PDE1A: variants seen among roughly 807,000 people sequenced by gnomAD.
The protein encoded by PDE1A is phosphodiesterase 1A, also known as dual specificity calcium/calmodulin-dependent 3',5'-cyclic nucleotide phosphodiesterase 1A.
Under a neutral mutation model 61.7 loss-of-function variants are expected in PDE1A, and 35 were observed. The observed-to-expected ratio is 0.57, with a 90% CI of 0.43 to 0.75. PDE1A has a LOEUF of 0.75. PDE1A is among the 30% of genes least tolerant of loss of function. PDE1A has a pLI of 0.00. For synonymous variants in PDE1A, 232 were observed against 213.2 expected (o/e 1.09, Z -0.77); for missense variants, 597 against 630.6 (o/e 0.95, Z 0.57).
At chr2:182,643,912 G>A in the PDE1A span, among the ~76,000 whole-genome samples, 1 of 152,006 alleles carries the variant, frequency 6.6e-6, no homozygotes, top group African/African-American at 2.4e-5. Flanking sequence ...AATTAGGCCA[G>A]GAATTCAGCC....
chr2:182,671,312 C>T, the PDE1A span, among the ~76,000 whole-genome samples: 11 of 149,074 alleles, frequency 7.4e-5, no homozygotes, highest in Non-Finnish European at 1.2e-4. Flanking sequence ...GCTCAGACTA[C>T]AGGCGCCTGC....
At chr2:182,356,476 T>C (rs533894529) in intron 1 of PDE1A, among the ~76,000 whole-genome samples, 10 of 152,118 alleles carry the variant, frequency 6.6e-5, no homozygotes, top group African/African-American at 9.7e-5. Flanking sequence ...TATGATCTAA[T>C]AATTTTTATG....
At chr2:182,363,145 G>A (rs1699610832) in intron 1 of PDE1A, among the ~76,000 whole-genome samples, 1 of 151,888 alleles carries the variant, frequency 6.6e-6, no homozygotes. Context: ...GAAATAATCT[G>A]TACAACAGAT....
At chr2:182,240,159 T>G in exon 3 of PDE1A, 1 of 1,614,084 alleles carries the variant, frequency 6.2e-7, no homozygotes, top group Non-Finnish European at 8.5e-7. Flanking sequence ...CTCCGAAATT[T>G]TGGTTTTTCC....
At chr2:182,178,493 G>A (rs3769803) in intron 13 of PDE1A, among the ~76,000 whole-genome samples, 31,532 of 152,016 alleles carry the variant, frequency 0.21, 3,515 homozygotes, top group East Asian at 0.33. Context: ...AGTCTGAGAC[G>A]GGACCTGCTC....
At chr2:182,298,810 C>T (rs1695051241) in intron 1 of PDE1A, among the ~76,000 whole-genome samples, 1 of 151,630 alleles carries the variant, frequency 6.6e-6, no homozygotes, top group Non-Finnish European at 1.5e-5. Context: ...AGAGAATATG[C>T]CTGAGAAGAA....
intron 7 of PDE1A, 100 bp downstream of exon 7, chr2:182,223,764 A>T: frequency 1.5e-6 from 1 of 668,636 alleles, no homozygotes; most frequent in Non-Finnish European, 2.5e-6. Flanking sequence ...ACCTGTTCTT[A>T]TTAGAATCTT....
intron 1 of PDE1A, among the ~76,000 whole-genome samples, chr2:182,416,475 CT>C (rs1702923872): frequency 1.3e-5 from 2 of 152,124 alleles, no homozygotes; most frequent in South Asian, 2.1e-4. Context: ...TTTCTTCTTC[CT>C]TTTTTTAAAC....
intron 1 of PDE1A, among the ~76,000 whole-genome samples, chr2:182,311,569 T>C (rs1327527268): frequency 1.3e-5 from 2 of 152,206 alleles, no homozygotes; most frequent in Non-Finnish European, 2.9e-5. Flanking sequence ...AATGGAAGCA[T>C]ACCATCTGTA....
rs191525617 is a variant in PDE1A at position 182,264,441 on chromosome 2, G to C, written c.54-27C>G. Reference sequence around the variant, plus strand: ...TATTTCAAAAAAGTAGCCAAAGAGAGAAAGAGCAAGGAATTTATTGTAACT... The same window carrying C: ...TATTTCAAAAAAGTAGCCAAAGAGACAAAGAGCAAGGAATTTATTGTAACT... On this transcript the variant is annotated intron_variant, in intron 1 of 13. Coordinates refer to ENST00000351439, the Ensembl canonical transcript of PDE1A. The C allele has an allele frequency of 2.0e-4, 303 of 1,509,044 alleles. 3 individuals are homozygous for C. The East Asian group carries it at 6.8e-3, about 34-fold the overall frequency. The allele number at this position is 1,509,044 out of a possible 1,614,324, so 93.5% of individuals were successfully genotyped here.
intron 2 of PDE1A, among the ~76,000 whole-genome samples, chr2:182,443,308 C>T (rs1389811498): frequency 6.6e-6 from 1 of 151,820 alleles, no homozygotes; most frequent in Non-Finnish European, 1.5e-5. Flanking sequence ...ATTTATATTA[C>T]ATAAAATATT....
the PDE1A span, among the ~76,000 whole-genome samples, chr2:182,550,700 T>C: frequency 6.6e-6 from 1 of 152,206 alleles, no homozygotes; most frequent in Non-Finnish European, 1.5e-5. Flanking sequence ...TAGGATTCTA[T>C]ACCTCTGTGC....
chr2:182,570,394 G>A, the PDE1A span, among the ~76,000 whole-genome samples: 24 of 152,158 alleles, frequency 1.6e-4, no homozygotes, highest in African/African-American at 5.8e-4. Context: ...GAGAAATAGA[G>A]ACAGTTGTAA....
At chr2:182,635,714 C>T in the PDE1A span, among the ~76,000 whole-genome samples, 2 of 137,882 alleles carry the variant, frequency 1.5e-5, no homozygotes, top group Non-Finnish European at 3.1e-5. Context: ...ATATGTGGAA[C>T]TTCTTTTTAA....
At chr2:182,156,456 G>T (rs1371221289) in intron 13 of PDE1A, among the ~76,000 whole-genome samples, 2 of 151,994 alleles carry the variant, frequency 1.3e-5, no homozygotes, top group African/African-American at 4.8e-5. Flanking sequence ...TTGGTAACAT[G>T]GTGCTAAGGC....
the PDE1A span, among the ~76,000 whole-genome samples, chr2:182,679,437 G>T: frequency 2.7e-5 from 4 of 149,618 alleles, no homozygotes; most frequent in Middle Eastern, 0.01. Flanking sequence ...CTAACCTCAG[G>T]TGATCCACGC....
chr2:182,170,566 A>T (rs1486890635), intron 13 of PDE1A, among the ~76,000 whole-genome samples: 1 of 152,026 alleles, frequency 6.6e-6, no homozygotes, highest in Non-Finnish European at 1.5e-5. Context: ...TCTGTGTGCT[A>T]TATGAAACCG....
intron 1 of PDE1A, among the ~76,000 whole-genome samples, chr2:182,347,565 T>C (rs1211572187): frequency 6.6e-6 from 1 of 152,150 alleles, no homozygotes; most frequent in African/African-American, 2.4e-5. Context: ...TTGTTAACTG[T>C]AGCATGAATT....
At chr2:182,521,702 CAGG>C (rs746799664) in intron 2 of PDE1A, among the ~76,000 whole-genome samples, 2 of 152,242 alleles carry the variant, frequency 1.3e-5, no homozygotes, top group South Asian at 4.1e-4. Flanking sequence ...TCTGTACTCT[CAGG>C]AGAAGTGAAC....
Sources: allele counts gnomAD v4.1 joint callset (sites outside exome capture counted in the v4.1 genomes callset), GRCh38; gene constraint gnomAD v4.1.1; transcripts MANE v1.5; gene names NCBI Gene and HGNC (gene_info 2026-07-23, HGNC 2026-07-21).